ZNF316: variants seen among roughly 807,000 people sequenced by gnomAD.
ZNF316 encodes zinc finger protein 316.
ZNF316 carries 23 observed loss-of-function variants against 75.6 expected under a neutral mutation model. That is an observed-to-expected ratio of 0.30 (90% CI 0.22 to 0.43). The LOEUF is 0.43. Among genes scored for constraint, ZNF316 ranks in the 20% least tolerant of loss-of-function variants. ZNF316 has a pLI of 1.00. For synonymous variants in ZNF316, 827 were observed against 666.2 expected (o/e 1.24, Z -3.72); for missense variants, 1,266 against 1,409.4 (o/e 0.90, Z 1.63).
Position 6,653,989 on chromosome 7 carries a change from C to A in ZNF316, c.2393C>A (p.Thr798Asn). The A allele has an allele frequency of 8.5e-7, 1 of 1,180,346 alleles. No homozygotes were observed. Among genetic ancestry groups the A allele is most frequent in the Non-Finnish European group, 1.0e-6 (1 of 955,446 alleles). 73.1% of individuals were successfully genotyped at this position (1,180,346 alleles called of 1,614,324 possible). A position where few individuals can be genotyped will look rare whatever the true frequency, so the allele number is the denominator to read the frequency against. Residue 798 changes from threonine to asparagine, a missense_variant, in exon 9 of 9, where the codon ACC becomes AAC. Physicochemically the swap from Thr to Asn is moderately conservative, Grantham distance 65 (BLOSUM62 0). Around this residue, in one of 3 missense-constraint regions of ZNF316, gnomAD observed 194 missense variants for 319.2 expected, o/e 0.61. Transcript: ENST00000382252. ...AHLTAHGRAHTGERPYACGEC... is the reference protein window; with the variant it reads ...AHLTAHGRAHNGERPYACGEC... ...TTGACGGCGCACGGGCGCGCGCACA[C>A]CGGGGAGCGGCCTTACGCGTGTGGA...
At chr7:6,638,472 G>A (rs1779258384) in intron 2 of ZNF316, among the ~76,000 whole-genome samples, 1 of 152,192 alleles carries the variant, frequency 6.6e-6, no homozygotes, top group African/African-American at 2.4e-5. Flanking sequence ...CTCTGAGTTG[G>A]GTTTCCCTGG....
intron 8 of ZNF316, among the ~76,000 whole-genome samples, chr7:6,651,511 C>G (rs1310832591): frequency 1.3e-5 from 2 of 151,998 alleles, no homozygotes; most frequent in African/African-American, 4.8e-5. Flanking sequence ...AAAAATTAGC[C>G]AGCTGCGGTG....
chr7:6,638,282 A>G (rs1037611408), intron 2 of ZNF316, among the ~76,000 whole-genome samples: 7 of 151,932 alleles, frequency 4.6e-5, no homozygotes, highest in Non-Finnish European at 8.8e-5. Context: ...AACCTGCACC[A>G]GGAGCAAACC....
rs576972990 is a variant in ZNF316 at position 6,648,454 on chromosome 7, C to T, written c.707-3849C>T. Among the ~76,000 whole-genome samples the T allele has an allele frequency of 2.6e-4, 40 of 152,292 alleles. 1 individual carries two copies. In the Middle Eastern group the frequency reaches 0.014, roughly 52 times the overall value. On this transcript the variant is annotated intron_variant, in intron 8 of 8. Transcript: ENST00000382252. ...TGGGATGGACAGCAGGGGGCCTTGG[C>T]ATCTGCAGGGAACTGTGGTGGCAGC...
Position 6,652,376 on chromosome 7 carries a change from C to A in ZNF316, c.780C>A (p.Ala260=), listed in dbSNP as rs1434268537. The change falls in exon 9 of 9, where the codon GCC becomes GCA. Residue 260 remains alanine, a synonymous_variant. Transcript: ENST00000382252. The stretch of plus-strand genomic sequence containing the variant: ...ACGAGGACTTCCTGGCGGAGGTGGC[C>A]GAGGAGGAGAACGAGCCCCCAGGGC... ...EDDEDFLAEV[A]EEENEPPGLW... 4 of 1,232,158 alleles carry A rather than the reference C, an allele frequency of 3.2e-6. No homozygotes were observed. The highest frequency in any genetic ancestry group is 1.6e-5 in the African/African-American group (1 of 64,406). 76.3% of individuals were successfully genotyped at this position (1,232,158 alleles called of 1,614,324 possible).
chr7:6,644,743 T>A, intron 8 of ZNF316, 150 bp downstream of exon 8: 1 of 405,736 alleles, frequency 2.5e-6, no homozygotes, highest in Non-Finnish European at 4.2e-6. Flanking sequence ...TGGTTCAAGT[T>A]CCAGAAAGGT....
intron 8 of ZNF316, among the ~76,000 whole-genome samples, chr7:6,646,218 C>T (rs897066384): frequency 5.9e-5 from 9 of 152,238 alleles, no homozygotes; most frequent in Non-Finnish European, 8.8e-5. Flanking sequence ...GGAGGCCCTT[C>T]GTGCCGCCAT....
At chr7:6,645,468 G>A (rs1779383892) in intron 8 of ZNF316, among the ~76,000 whole-genome samples, 1 of 151,868 alleles carries the variant, frequency 6.6e-6, no homozygotes, top group Non-Finnish European at 1.5e-5. Context: ...CAGATCACTC[G>A]AGGTCAGGAG....
At chr7:6,643,614 G>A (rs1411659398) in intron 6 of ZNF316, among the ~76,000 whole-genome samples, 2 of 152,170 alleles carry the variant, frequency 1.3e-5, no homozygotes, top group African/African-American at 2.4e-5. Flanking sequence ...GAGCTGGGTC[G>A]TTCACCGTCT....
chr7:6,643,810 C>T lies in ZNF316; in HGVS notation c.466-12C>T. On this transcript the variant is annotated splice_polypyrimidine_tract_variant and intron_variant, in intron 6 of 8. Coordinates refer to ENST00000382252, the MANE Select transcript of ZNF316 (RefSeq NM_001278559.2). ...CTCCCTCAGCCTCTCACCTGAGGCT[C>T]TGTTTCCCCAGGAGCTGGTGACGTT... The T allele has an allele frequency of 8.1e-7, 1 of 1,234,756 alleles. No individual in the cohort carries two copies. Among genetic ancestry groups the T allele is most frequent in the Non-Finnish European group, 1.0e-6 (1 of 989,474 alleles). 76.5% of individuals were successfully genotyped at this position (1,234,756 alleles called of 1,614,324 possible).
rs576937401 is a variant in ZNF316 at position 6,643,939 on chromosome 7, G to A, written c.583G>A (p.Val195Met). Residue 195 changes from valine to methionine, a missense_variant, in exon 7 of 9, where the codon GTG becomes ATG. By Grantham distance (21) the Val-to-Met change is conservative. Around this residue, in one of 3 missense-constraint regions of ZNF316, gnomAD observed 961 missense variants for 990.9 expected, o/e 0.97. Coordinates refer to ENST00000382252, the MANE Select transcript of ZNF316 (RefSeq NM_001278559.2). ...EVMQENYGILVSLGYPIPKPD... is the reference protein window; with the variant it reads ...EVMQENYGILMSLGYPIPKPD... ...CATGCAGGAGAACTATGGGATTCTC[G>A]TGTCCTTGGGTAAGGACGGGACCTT... The A allele has an allele frequency of 2.3e-5, 28 of 1,232,748 alleles. No individual in the cohort carries two copies. In the East Asian group the frequency reaches 4.4e-4, roughly 19 times the overall value. The allele number at this position is 1,232,748 out of a possible 1,614,324, so 76.4% of individuals were successfully genotyped here.
rs1779299779 is a variant in ZNF316 at position 6,640,789 on chromosome 7, C to A, written c.-166-1036C>A. ...CTCATGAATGGTCTAGCACCGTCCCCTTGGTGATAAGGGAGTTCTCAGTTC... is the reference window on the plus strand; with the variant it reads ...CTCATGAATGGTCTAGCACCGTCCCATTGGTGATAAGGGAGTTCTCAGTTC... On this transcript the variant is annotated intron_variant, in intron 3 of 8. Coordinates refer to ENST00000382252, the MANE Select transcript of ZNF316 (RefSeq NM_001278559.2). This position sits in a 1 kb window ranked among gnomAD's most constrained non-coding sequence, Gnocchi z 5.1. 6.6e-6 allele frequency among the ~76,000 whole-genome samples: 1 copy of A among 152,182 alleles called. No individual in the cohort carries two copies. Among genetic ancestry groups the A allele is most frequent in the African/African-American group, 2.4e-5 (1 of 41,470 alleles).
rs1458736444 is a variant in ZNF316 at position 6,653,033 on chromosome 7, C to T, written c.1437C>T (p.His479=). 7.4e-6 allele frequency: 9 copies of T among 1,221,422 alleles called. No homozygotes were observed. Among genetic ancestry groups the T allele is most frequent in the Non-Finnish European group, 9.2e-6 (9 of 981,420 alleles). The allele number at this position is 1,221,422 out of a possible 1,614,324, so 75.7% of individuals were successfully genotyped here. A position where few individuals can be genotyped will look rare whatever the true frequency, so the allele number is the denominator to read the frequency against. Reference sequence around the variant, plus strand: ...CGCTGGCACGGCACCAGGCGGTGCACACGGCCGACCGCCCGCACTGCTGTC... The same window carrying T: ...CGCTGGCACGGCACCAGGCGGTGCATACGGCCGACCGCCCGCACTGCTGTC... The part of the protein sequence containing the change: ...SSALARHQAV[H]TADRPHCCPD... Residue 479 remains histidine, a synonymous_variant, in exon 9 of 9, where the codon CAC becomes CAT. Transcript: ENST00000382252.
rs1288826909 is a variant in ZNF316, at chr7:6,657,897, T to G, written c.*3286T>G. Among the ~76,000 whole-genome samples, 1 of 98,758 alleles carries G rather than the reference T, an allele frequency of 1.0e-5. No individual in the cohort carries two copies. Among genetic ancestry groups the G allele is most frequent in the African/African-American group, 3.9e-5 (1 of 25,950 alleles). The allele number at this position is 98,758 out of a possible 152,430, so 64.8% of individuals were successfully genotyped here. On this transcript the variant is annotated 3_prime_UTR_variant, in exon 9 of 9. Transcript: ENST00000382252. The stretch of plus-strand genomic sequence containing the variant: ...ACTTATAGTTGACTGTCCAGCCAAA[T>G]ACTTAAAAAAAAAGTTTATAGGGAG...
At chr7:6,649,279 C>T (rs776517511) in intron 8 of ZNF316, among the ~76,000 whole-genome samples, 10 of 152,242 alleles carry the variant, frequency 6.6e-5, no homozygotes, top group East Asian at 1.9e-4. Context: ...GGAGAGGGAC[C>T]GTCAGTCCCA....
intron 8 of ZNF316, among the ~76,000 whole-genome samples, chr7:6,651,924 C>T (rs372483686): frequency 4.1e-4 from 63 of 152,334 alleles, no homozygotes; most frequent in African/African-American, 1.5e-3. Flanking sequence ...CACAGGATCC[C>T]TGCTTGGGTT....
At position 6,656,823 on chromosome 7, in the gene ZNF316, C is replaced by T. The variant is rs1037278255; in HGVS notation, c.*2212C>T. On this transcript the variant is annotated 3_prime_UTR_variant, in exon 9 of 9. Coordinates refer to ENST00000382252, the MANE Select transcript of ZNF316 (RefSeq NM_001278559.2). ...ACCATGTGGCTCATCCAGGGCTCACCTACTCCAGTACCAGGGCAAGGTGTA... is the reference window on the plus strand; with the variant it reads ...ACCATGTGGCTCATCCAGGGCTCACTTACTCCAGTACCAGGGCAAGGTGTA... 4.6e-5 allele frequency among the ~76,000 whole-genome samples: 7 copies of T among 150,818 alleles called. No individual in the cohort carries two copies. The highest frequency in any genetic ancestry group is 1.5e-4 in the African/African-American group (6 of 40,536).
In ZNF316 at chr7:6,652,909, T is replaced by G; in HGVS notation, c.1313T>G (p.Phe438Cys). The G allele has an allele frequency of 8.1e-7, 1 of 1,241,494 alleles. No individual in the cohort carries two copies. The highest frequency in any genetic ancestry group is 1.0e-6 in the Non-Finnish European group (1 of 992,054). The allele number at this position is 1,241,494 out of a possible 1,614,324, so 76.9% of individuals were successfully genotyped here. ...PYRCAFCGAG[F>C]GRRSYLVTHQ... ...CGCTGCGCCTTCTGCGGCGCGGGCT[T>G]CGGGCGCCGCTCCTACCTGGTCACG... Residue 438 changes from phenylalanine to cysteine, a missense_variant, in exon 9 of 9, where the codon TTC (phenylalanine) becomes TGC (cysteine). Phe to Cys is a radical substitution (Grantham distance 205). This residue lies in a region of ZNF316 where 961 missense variants were observed against 990.9 expected (regional missense o/e 0.97). Transcript: ENST00000382252.
chr7:6,648,404 C>A (rs1317024547), intron 8 of ZNF316, among the ~76,000 whole-genome samples: 1 of 152,174 alleles, frequency 6.6e-6, no homozygotes, highest in Non-Finnish European at 1.5e-5. Flanking sequence ...TGGGGGACAA[C>A]TTGAGCGGTG....
Sources: gnomAD v4.1 joint callset for allele counts (sites outside exome capture counted in the v4.1 genomes callset) on GRCh38, gnomAD v4.1.1 for gene constraint, gnomAD v4.1.1 regional missense constraint, Gnocchi (gnomAD v3.1) non-coding constraint, MANE v1.5 for transcripts, NCBI Gene and HGNC (gene_info 2026-07-23, HGNC 2026-07-21) for gene names.